The following HEATR4 variants were observed in gnomAD, a reference collection of about 807,000 sequenced individuals.
The protein encoded by HEATR4 is HEAT repeat-containing protein 4.
A neutral mutation model predicts 108.8 loss-of-function variants in HEATR4; 95 were observed. The observed-to-expected ratio is 0.87, with a 90% CI of 0.74 to 1.04. The LOEUF is 1.04. Among genes scored for constraint, HEATR4 ranks in the 50% least tolerant of loss-of-function variants. The pLI is 0.00. For synonymous variants in HEATR4, 443 were observed against 459.4 expected, an observed-to-expected ratio of 0.96 and a Z score of 0.46; for missense variants, 1,152 against 1,253.8, an observed-to-expected ratio of 0.92 and a Z score of 1.23.
the HEATR4 span, chr14:73,569,079 C>A: frequency 1.1e-6 from 1 of 878,272 alleles, no homozygotes; most frequent in Non-Finnish European, 1.7e-6. Flanking sequence ...TAGGAAGTAG[C>A]TTTCCAACAT....
chr14:73,492,966 A>C lies in HEATR4; in HGVS notation c.2844+100T>G. On this transcript the variant is annotated intron_variant, in intron 17 of 17. Transcript: ENST00000553558. This position sits in a 1 kb window ranked among gnomAD's most constrained non-coding sequence, Gnocchi z 4.9. The stretch of plus-strand genomic sequence containing the variant: ...TAGTTTCTTGTTGATTGCTGGAAAC[A>C]AGGCAGTAGTGATTCTCCGCTGCCA... 1 of 1,604,120 alleles carries C rather than the reference A, an allele frequency of 6.2e-7. No homozygotes were observed. The highest frequency in any genetic ancestry group is 1.4e-5 in the African/African-American group (1 of 73,792).
Position 73,496,617 on chromosome 14 carries a change from T to C in HEATR4, c.2609A>G (p.Gln870Arg). 6.2e-7 allele frequency: 1 copy of C among 1,601,740 alleles called. No individual in the cohort carries two copies. Among genetic ancestry groups the C allele is most frequent in the Non-Finnish European group, 8.6e-7 (1 of 1,168,748 alleles). Residue 870 changes from glutamine (Q) to arginine (R), a missense_variant, in exon 15 of 18, where the codon CAG (glutamine) becomes CGG (arginine). Transcript: ENST00000553558. ...LGNEGNQEML[Q>R]EIKNRIKTLS... Reference sequence around the variant, plus strand: ...CTTATTTACCCTGTTCTTGATCTCCTGAAGCATTTCTTGGTTTCCTTCATT... The same window carrying C: ...CTTATTTACCCTGTTCTTGATCTCCCGAAGCATTTCTTGGTTTCCTTCATT...
rs1353804061 is a variant in HEATR4, at chr14:73,546,669, A to G, written c.-152+12082T>C. 4.3e-5 allele frequency among the ~76,000 whole-genome samples: 5 copies of G among 115,138 alleles called. 1 individual carries two copies. Among genetic ancestry groups the G allele is most frequent in the Non-Finnish European group, 5.7e-5 (3 of 52,596 alleles). 75.5% of individuals were successfully genotyped at this position (115,138 alleles called of 152,430 possible). A position where few individuals can be genotyped will look rare whatever the true frequency, so the allele number is the denominator to read the frequency against. On this transcript the variant is annotated intron_variant, in intron 1 of 17. Coordinates refer to ENST00000553558, the MANE Select transcript of HEATR4 (RefSeq NM_001220484.1). ...ATGAGCAACCGGGCCCAGCCTAGTT[A>G]GTCTTTATTAGTTATTTGAAAGACA...
intron 2 of HEATR4, among the ~76,000 whole-genome samples, chr14:73,527,806 C>T (rs149250043): frequency 0.017 from 2,516 of 151,668 alleles, 101 homozygotes; most frequent in South Asian, 0.12. Flanking sequence ...GGCGAAACCC[C>T]ATCTCTACTA....
intron 17 of HEATR4, chr14:73,491,520 C>T: frequency 6.6e-7 from 1 of 1,518,342 alleles, no homozygotes; most frequent in Non-Finnish European, 8.8e-7. Flanking sequence ...GCGACGGCGT[C>T]GGGGCCGCAG....
chr14:73,581,208 G>A, the HEATR4 span: 1 of 151,400 alleles, frequency 6.6e-6, no homozygotes, highest in Non-Finnish European at 1.5e-5. Flanking sequence ...TGTTAGACTG[G>A]GTAATTTATA....
chr14:73,593,031 A>G, the HEATR4 span, among the ~76,000 whole-genome samples: 9 of 152,162 alleles, frequency 5.9e-5, no homozygotes, highest in African/African-American at 2.2e-4. Context: ...TCACTACCCT[A>G]CAGATTTCTA....
At chr14:73,619,511 A>C in the HEATR4 span, 1 of 1,614,222 alleles carries the variant, frequency 6.2e-7, no homozygotes. Flanking sequence ...CCATTGGAAA[A>C]GGCGCAGGTG....
the HEATR4 span, among the ~76,000 whole-genome samples, chr14:73,614,054 A>T: frequency 7.0e-6 from 1 of 142,764 alleles, no homozygotes; most frequent in Non-Finnish European, 1.5e-5. Flanking sequence ...AAAAAAAATT[A>T]GGCAGGCATG....
At chr14:73,574,816 C>T in the HEATR4 span, 1 of 1,594,176 alleles carries the variant, frequency 6.3e-7, no homozygotes, top group Non-Finnish European at 8.6e-7. Context: ...GATTCAGACT[C>T]AGGTTCAACT....
intron 2 of HEATR4, among the ~76,000 whole-genome samples, chr14:73,524,310 A>AAAAAAAAAATATATATATATAT: frequency 1.8e-5 from 1 of 54,774 alleles, no homozygotes; most frequent in Non-Finnish European, 3.1e-5. Context: ...AAAAAAAAAA[A>AAAAAAAAAATATATATATATAT]ATATATATAT....
At chr14:73,483,958 G>A (rs1469494441) in intron 17 of HEATR4, among the ~76,000 whole-genome samples, 1 of 151,722 alleles carries the variant, frequency 6.6e-6, no homozygotes, top group Non-Finnish European at 1.5e-5. Context: ...AGGTTCAAGC[G>A]ATTATCCTGT....
chr14:73,488,258 G>A (rs953930321), intron 17 of HEATR4, among the ~76,000 whole-genome samples: 4 of 152,164 alleles, frequency 2.6e-5, no homozygotes, highest in African/African-American at 9.7e-5. Flanking sequence ...GATGGTGGTT[G>A]AGTTCTCACA....
Position 73,549,021 on chromosome 14 carries a change from C to T in HEATR4, c.-152+9730G>A, listed in dbSNP as rs185604142. Among the ~76,000 whole-genome samples, 2 of 111,610 alleles carry T rather than the reference C, an allele frequency of 1.8e-5. 1 individual carries two copies. Among genetic ancestry groups the T allele is most frequent in the Non-Finnish European group, 3.9e-5 (2 of 51,486 alleles). The allele number at this position is 111,610 out of a possible 152,430, so 73.2% of individuals were successfully genotyped here. ...ACTGCAGTAACAAAATGTCTTATACCGGGTAATTTATAAACAACAGAAATG... is the reference window on the plus strand; with the variant it reads ...ACTGCAGTAACAAAATGTCTTATACTGGGTAATTTATAAACAACAGAAATG... On this transcript the variant is annotated intron_variant, in intron 1 of 17. Transcript: ENST00000553558.
At chr14:73,598,227 A>AAC in the HEATR4 span, among the ~76,000 whole-genome samples, 1 of 146,112 alleles carries the variant, frequency 6.8e-6, no homozygotes, top group South Asian at 2.2e-4. Context: ...CAAAAAAAAA[A>AAC]AAAAAAAAAA....
At chr14:73,592,627 C>T in the HEATR4 span, among the ~76,000 whole-genome samples, 3 of 152,136 alleles carry the variant, frequency 2.0e-5, no homozygotes, top group South Asian at 2.1e-4. Flanking sequence ...CCGAGATGGG[C>T]GGATCACTTG....
At chr14:73,626,789 CTTTT>C in the HEATR4 span, among the ~76,000 whole-genome samples, 3 of 82,358 alleles carry the variant, frequency 3.6e-5, no homozygotes, top group Admixed American at 1.3e-4. Flanking sequence ...GACAAACAGC[CTTTT>C]TTTTTTTTTT....
At chr14:73,496,182 T>G (rs1886096925) in intron 15 of HEATR4, among the ~76,000 whole-genome samples, 1 of 152,100 alleles carries the variant, frequency 6.6e-6, no homozygotes. Flanking sequence ...GAGATTTTCT[T>G]TGGTGAGAAA....
At chr14:73,557,084 A>G (rs1333480051) in intron 1 of HEATR4, among the ~76,000 whole-genome samples, 1 of 113,626 alleles carries the variant, frequency 8.8e-6, no homozygotes, top group Non-Finnish European at 1.9e-5. Flanking sequence ...CCTTTTGTAC[A>G]TAGACAGCAT....
Sources: gnomAD v4.1 joint callset for allele counts (sites outside exome capture counted in the v4.1 genomes callset) on GRCh38, gnomAD v4.1.1 for gene constraint, Gnocchi (gnomAD v3.1) non-coding constraint, MANE v1.5 for transcripts, NCBI Gene and HGNC (gene_info 2026-07-23, HGNC 2026-07-21) for gene names.